The following BNC1 variants were observed in gnomAD, a reference collection of about 807,000 sequenced individuals.
The protein encoded by BNC1 is basonuclin zinc finger protein 1, also known as zinc finger protein basonuclin-1.
Under a neutral mutation model 66.5 loss-of-function variants are expected in BNC1, and 8 were observed. The observed-to-expected ratio is 0.12, with a 90% CI of 0.07 to 0.22. The LOEUF is 0.22. Ranked by LOEUF, BNC1 falls within the 10% of genes least tolerant of loss-of-function variation. The pLI, the probability that BNC1 is intolerant of heterozygous loss-of-function variation, is 1.00. For missense variants in BNC1, 1,069 were observed against 1,241.3 expected, an observed-to-expected ratio of 0.86 and a Z score of 2.09; for synonymous variants, 454 against 452.6, an observed-to-expected ratio of 1.00 and a Z score of -0.04.
intron 1 of BNC1, among the ~76,000 whole-genome samples, chr15:83,272,526 T>G (rs769359422): frequency 2.6e-5 from 4 of 152,044 alleles, no homozygotes; most frequent in African/African-American, 4.8e-5. Flanking sequence ...TGTGAGCCAC[T>G]GCACCAGGCC....
intron 4 of BNC1, among the ~76,000 whole-genome samples, chr15:83,260,013 T>A (rs2038123294): frequency 6.6e-6 from 1 of 152,192 alleles, no homozygotes; most frequent in Admixed American, 6.5e-5. Context: ...CTATTTTGAT[T>A]AGTTGAGACC....
intron 1 of BNC1, chr15:83,283,123 A>G: frequency 6.5e-7 from 1 of 1,534,532 alleles, no homozygotes; most frequent in East Asian, 2.5e-5. Flanking sequence ...GGGAGATGGC[A>G]TTCCACTTAA....
chr15:83,283,536 A>G (rs2038406956), intron 1 of BNC1: 6 of 984,518 alleles, frequency 6.1e-6, no homozygotes, highest in Non-Finnish European at 7.2e-6. Context: ...GGGAGCTCGA[A>G]GTCGGGGGCC....
In BNC1 at chr15:83,257,376, C is replaced by A. The variant is rs2038085545; in HGVS notation, c.*66G>T. On this transcript the variant is annotated 3_prime_UTR_variant, in exon 5 of 5. Coordinates refer to ENST00000345382, the MANE Select transcript of BNC1 (RefSeq NM_001717.4). ...CAAATGATATGAAACAGAAACATTT[C>A]TATGGACTACTTTATTCCTGAATTA... 6.8e-7 allele frequency: 1 copy of A among 1,478,736 alleles called. No individual in the cohort carries two copies. Among genetic ancestry groups the A allele is most frequent in the African/African-American group, 1.4e-5 (1 of 70,756 alleles). 91.6% of individuals were successfully genotyped at this position (1,478,736 alleles called of 1,614,324 possible).
chr15:83,270,897 A>T (rs1438634200), intron 1 of BNC1, among the ~76,000 whole-genome samples: 1 of 152,148 alleles, frequency 6.6e-6, no homozygotes, highest in Non-Finnish European at 1.5e-5. Context: ...TAGCTGCACA[A>T]CTCTATGAAT....
Position 83,284,519 on chromosome 15 carries a change from GC to G in BNC1, c.99+10del. On this transcript the variant is annotated intron_variant, in intron 1 of 4. Transcript: ENST00000345382. ...GAGAATCCCCGCGCCCGCGGAGGGC[GC>G]CGCGCTTACCTCGGCCATCCTGCGA... The G allele has an allele frequency of 8.3e-7, 1 of 1,198,224 alleles. No individual in the cohort carries two copies. The highest frequency in any genetic ancestry group is 1.0e-6 in the Non-Finnish European group (1 of 954,204). The allele number at this position is 1,198,224 out of a possible 1,614,324, so 74.2% of individuals were successfully genotyped here.
At chr15:83,272,449 C>T (rs1241815182) in intron 1 of BNC1, among the ~76,000 whole-genome samples, 2 of 146,214 alleles carry the variant, frequency 1.4e-5, no homozygotes, top group East Asian at 4.0e-4. Context: ...GTTGGCCAGG[C>T]TGGTCTCGAA....
At chr15:83,275,726 A>G (rs921868157) in intron 1 of BNC1, among the ~76,000 whole-genome samples, 2 of 152,114 alleles carry the variant, frequency 1.3e-5, no homozygotes, top group African/African-American at 4.8e-5. Flanking sequence ...CTCAGGCACA[A>G]TAGAGATGGG....
At position 83,263,265 on chromosome 15, in the gene BNC1, C is replaced by G. The variant is rs1267180195; in HGVS notation, c.1986G>C (p.Met662Ile). The change falls in exon 4 of 5, where the codon ATG (methionine) becomes ATC (isoleucine). Residue 662 changes from methionine to isoleucine, a missense_variant. By Grantham distance (10) the Met-to-Ile change is conservative (BLOSUM62 1). Coordinates refer to ENST00000345382, the MANE Select transcript of BNC1 (RefSeq NM_001717.4). Reference sequence around the variant, plus strand: ...AGTCAGAAAAAGGAACTTGGGGTTCCATCCCAGGTGTGAAGTAGTGTTCAT... The same window carrying G: ...AGTCAGAAAAAGGAACTTGGGGTTCGATCCCAGGTGTGAAGTAGTGTTCAT... ...GGHEHYFTPG[M>I]EPQVPFSDYM... 3 of 1,614,176 alleles carry G rather than the reference C, an allele frequency of 1.9e-6. No individual in the cohort carries two copies. Among genetic ancestry groups the G allele is most frequent in the Middle Eastern group, 1.6e-4 (1 of 6,062 alleles).
At chr15:83,269,012 T>A (rs927419382) in intron 1 of BNC1, among the ~76,000 whole-genome samples, 1 of 152,154 alleles carries the variant, frequency 6.6e-6, no homozygotes, top group Non-Finnish European at 1.5e-5. Flanking sequence ...GATCACGAAG[T>A]CAGGAGTTCA....
At chr15:83,282,615 A>G (rs561982153) in intron 1 of BNC1, among the ~76,000 whole-genome samples, 50 of 152,374 alleles carry the variant, frequency 3.3e-4, no homozygotes, top group African/African-American at 1.2e-3. Flanking sequence ...ATCACTGAAC[A>G]AAAGTTTCAA....
At chr15:83,275,369 G>C (rs1362023473) in intron 1 of BNC1, among the ~76,000 whole-genome samples, 11 of 151,980 alleles carry the variant, frequency 7.2e-5, no homozygotes, top group Non-Finnish European at 1.6e-4. Context: ...GGTGGCGCAT[G>C]CCTGTAATCC....
At chr15:83,261,693 A>G (rs75918741) in intron 4 of BNC1, among the ~76,000 whole-genome samples, 7,441 of 152,230 alleles carry the variant, frequency 0.049, 257 homozygotes, top group Middle Eastern at 0.082. Context: ...CGGTGATGAG[A>G]TATGCTCTAT....
intron 1 of BNC1, among the ~76,000 whole-genome samples, chr15:83,276,449 G>A (rs2038324824): frequency 6.6e-6 from 1 of 152,226 alleles, no homozygotes; most frequent in Admixed American, 6.5e-5. Flanking sequence ...ACAAATCAAT[G>A]AGAGAACTGT....
At chr15:83,281,020 C>G (rs72758352) in intron 1 of BNC1, among the ~76,000 whole-genome samples, 1 of 151,828 alleles carries the variant, frequency 6.6e-6, no homozygotes. Flanking sequence ...CATGTGTAGA[C>G]GGCAAGAGTG....
chr15:83,273,547 T>C (rs1290807700), intron 1 of BNC1, among the ~76,000 whole-genome samples: 1 of 152,254 alleles, frequency 6.6e-6, no homozygotes, highest in Non-Finnish European at 1.5e-5. Flanking sequence ...ATTTTCAGAA[T>C]TGTTATTAAT....
At chr15:83,269,914 C>A (rs1318981253) in intron 1 of BNC1, among the ~76,000 whole-genome samples, 1 of 152,180 alleles carries the variant, frequency 6.6e-6, no homozygotes, top group African/African-American at 2.4e-5. Context: ...AATACTGATA[C>A]ATGCTGCAAC....
Position 83,266,911 on chromosome 15 carries a change from C to G in BNC1, c.360G>C (p.Lys120Asn). The change falls in exon 3 of 5, where the codon AAG (lysine) becomes AAC (asparagine). Residue 120 changes from lysine (K) to asparagine (N), a missense_variant. This residue lies in a region of BNC1 where 39 missense variants were observed against 89.5 expected (regional missense o/e 0.44). Coordinates refer to ENST00000345382, the MANE Select transcript of BNC1 (RefSeq NM_001717.4). ...ILLDRLFSVL[K>N]QDEVLQILHA... ...GGAGGATCTGGAGAACCTCATCTTG[C>G]TTCAACACACTGAAGAGCCGGTCCA... The G allele has an allele frequency of 6.2e-7, 1 of 1,614,206 alleles. No homozygotes were observed. The highest frequency in any genetic ancestry group is 8.5e-7 in the Non-Finnish European group (1 of 1,180,044).
chr15:83,272,394 C>CG (rs2038277712), intron 1 of BNC1, among the ~76,000 whole-genome samples: 1 of 122,726 alleles, frequency 8.1e-6, no homozygotes, highest in Non-Finnish European at 1.6e-5. Flanking sequence ...CCACACCTGG[C>CG]TTTTTTTTTT....
Sources: allele counts gnomAD v4.1 joint callset (sites outside exome capture counted in the v4.1 genomes callset), GRCh38; gene constraint gnomAD v4.1.1; regional missense constraint gnomAD v4.1.1; transcripts MANE v1.5; gene names NCBI Gene and HGNC (gene_info 2026-07-23, HGNC 2026-07-21).